The following KIF16B variants were observed in gnomAD, a reference collection of about 807,000 sequenced individuals.
The protein encoded by KIF16B is kinesin family member 16B.
In KIF16B, 98 loss-of-function variants were observed where a neutral mutation model predicts 156.3. The observed-to-expected ratio is 0.63, with a 90% CI of 0.53 to 0.74. KIF16B has a LOEUF of 0.74. Ranked by LOEUF, KIF16B falls within the 30% of genes least tolerant of loss-of-function variation. The probability of loss-of-function intolerance (pLI) is 0.00; values close to 1 mark genes in which losing one functional copy is unlikely to be tolerated. For missense variants in KIF16B, 1,421 were observed against 1,606.5 expected, an observed-to-expected ratio of 0.88 and a Z score of 1.97; for synonymous variants, 564 against 583.7, an observed-to-expected ratio of 0.97 and a Z score of 0.49.
intron 25 of KIF16B, among the ~76,000 whole-genome samples, chr20:16,301,975 GT>G (rs1289786359): frequency 2.4e-4 from 37 of 152,192 alleles, no homozygotes; most frequent in African/African-American, 7.9e-4. Flanking sequence ...TAATGAGGTT[GT>G]TTGTGTTCTT....
At chr20:16,516,695 C>G (rs550334600) in intron 3 of KIF16B, among the ~76,000 whole-genome samples, 1 of 152,176 alleles carries the variant, frequency 6.6e-6, no homozygotes, top group Non-Finnish European at 1.5e-5. Flanking sequence ...GGGACCCAGA[C>G]GGATCAACCA....
At chr20:16,507,690 A>T (rs898219584) in intron 7 of KIF16B, among the ~76,000 whole-genome samples, 1 of 152,210 alleles carries the variant, frequency 6.6e-6, no homozygotes, top group Non-Finnish European at 1.5e-5. Context: ...AATTAAGCAC[A>T]GAGCAAGTTG....
intron 5 of KIF16B, 33 bp downstream of exon 5, chr20:16,512,793 C>T (rs746724105): frequency 7.6e-6 from 11 of 1,455,618 alleles, no homozygotes; most frequent in Non-Finnish European, 1.1e-5. Flanking sequence ...TCTAATCAAG[C>T]TCACACACAG....
chr20:16,549,381 T>C (rs960135854), intron 1 of KIF16B, among the ~76,000 whole-genome samples: 2 of 152,208 alleles, frequency 1.3e-5, no homozygotes, highest in Admixed American at 1.3e-4. Flanking sequence ...CATCATTTTT[T>C]ATGGCTGCAT....
intron 22 of KIF16B, among the ~76,000 whole-genome samples, chr20:16,361,744 C>T (rs568469371): frequency 6.6e-6 from 1 of 152,278 alleles, no homozygotes; most frequent in East Asian, 1.9e-4. Flanking sequence ...TGTAGAATAT[C>T]TTAAGTTTAG....
chr20:16,276,980 C>T (rs1227821006), intron 25 of KIF16B, among the ~76,000 whole-genome samples: 1 of 152,222 alleles, frequency 6.6e-6, no homozygotes, highest in Non-Finnish European at 1.5e-5. Context: ...AATTATACAA[C>T]ACTTCCAGCC....
chr20:16,454,724 C>T (rs757494015), intron 12 of KIF16B, among the ~76,000 whole-genome samples: 11 of 152,092 alleles, frequency 7.2e-5, no homozygotes, highest in Non-Finnish European at 1.5e-4. Context: ...AGAATAAACT[C>T]TTTTGTTAAT....
intron 17 of KIF16B, among the ~76,000 whole-genome samples, chr20:16,394,052 C>A (rs1032875829): frequency 6.6e-6 from 1 of 152,196 alleles, no homozygotes; most frequent in Non-Finnish European, 1.5e-5. Context: ...GAAAATCATG[C>A]TACCATGTAG....
Position 16,485,858 on chromosome 20 carries a change from C to T in KIF16B, c.1302+8433G>A, listed in dbSNP as rs552126883. Among the ~76,000 whole-genome samples, 3 of 152,130 alleles carry T rather than the reference C, an allele frequency of 2.0e-5. No homozygotes were observed. The East Asian group carries it at 5.8e-4, about 29-fold the overall frequency. ...ACGTGTATATAAGCATGTCTCCACA[C>T]ATACACACATATATATACACATATA... On this transcript the variant is annotated intron_variant, in intron 12 of 25. Transcript: ENST00000354981.
chr20:16,425,453 AC>A (rs1292873769), intron 15 of KIF16B, among the ~76,000 whole-genome samples: 1 of 152,174 alleles, frequency 6.6e-6, no homozygotes, highest in Admixed American at 6.6e-5. Flanking sequence ...TTTTTTAATC[AC>A]CATTTGGCAA....
At chr20:16,392,753 C>G (rs1444506502) in intron 17 of KIF16B, among the ~76,000 whole-genome samples, 1 of 152,198 alleles carries the variant, frequency 6.6e-6, no homozygotes, top group East Asian at 1.9e-4. Flanking sequence ...GTCTCCAACC[C>G]AGTGGTATAG....
intron 24 of KIF16B, among the ~76,000 whole-genome samples, chr20:16,318,004 A>C (rs1242313859): frequency 6.6e-6 from 1 of 152,162 alleles, no homozygotes; most frequent in Non-Finnish European, 1.5e-5. Context: ...AGAAAACAAG[A>C]GAAGATGTGT....
chr20:16,322,830 A>G (rs1041937611), intron 24 of KIF16B, among the ~76,000 whole-genome samples: 1 of 152,164 alleles, frequency 6.6e-6, no homozygotes, highest in South Asian at 2.1e-4. Context: ...TTCTCTTGGC[A>G]AAGTTCACAT....
At chr20:16,306,759 T>A (rs1026688756) in intron 25 of KIF16B, among the ~76,000 whole-genome samples, 1 of 152,102 alleles carries the variant, frequency 6.6e-6, no homozygotes, top group Non-Finnish European at 1.5e-5. Flanking sequence ...ATTATCACCA[T>A]CACCACCACC....
intron 12 of KIF16B, among the ~76,000 whole-genome samples, chr20:16,446,802 C>A (rs75848776): frequency 6.6e-6 from 1 of 152,152 alleles, no homozygotes; most frequent in Admixed American, 6.5e-5. Context: ...TCAGTAGGCA[C>A]GCTAGGTCGA....
intron 12 of KIF16B, among the ~76,000 whole-genome samples, chr20:16,479,448 G>A (rs934667550): frequency 6.6e-6 from 1 of 152,004 alleles, no homozygotes; most frequent in African/African-American, 2.4e-5. Flanking sequence ...GATAGGTGCA[G>A]CCAATCACCA....
chr20:16,378,239 A>AT (rs1464740271), intron 19 of KIF16B, among the ~76,000 whole-genome samples: 8 of 152,048 alleles, frequency 5.3e-5, no homozygotes, highest in Admixed American at 3.9e-4. Context: ...GTAGAGATGG[A>AT]AAGAGGTGAG....
At chr20:16,515,506 GATA>G (rs759209936) in intron 4 of KIF16B, 39 bp downstream of exon 4, 9 of 1,027,392 alleles carry the variant, frequency 8.8e-6, no homozygotes, top group Middle Eastern at 2.0e-4. Flanking sequence ...TCCAGAGAAA[GATA>G]ATGAGAAATT....
intron 22 of KIF16B, chr20:16,367,239 T>A: frequency 6.2e-7 from 1 of 1,612,924 alleles, no homozygotes; most frequent in South Asian, 1.1e-5. Context: ...TCTGACTGCC[T>A]TGAAGATACA....
Sources: allele counts gnomAD v4.1 joint callset (sites outside exome capture counted in the v4.1 genomes callset), GRCh38; gene constraint gnomAD v4.1.1; transcripts MANE v1.5; gene names NCBI Gene and HGNC (gene_info 2026-07-23, HGNC 2026-07-21).